The following RIMS2 variants were observed in gnomAD, a reference collection of about 807,000 sequenced individuals.
RIMS2 encodes the protein regulating synaptic membrane exocytosis 2, also known as regulating synaptic membrane exocytosis protein 2.
Under a neutral mutation model 174.4 loss-of-function variants are expected in RIMS2, and 59 were observed. The ratio of observed to expected loss-of-function variants is 0.34; its 90% confidence interval spans 0.27 to 0.42. The LOEUF (loss-of-function observed/expected upper bound fraction) is 0.42, where lower values mean the gene tolerates loss of function less well. Among genes scored for constraint, RIMS2 ranks in the 10% least tolerant of loss-of-function variants. The pLI is 1.00. For missense variants in RIMS2, 1,620 were observed against 1,666.3 expected, an observed-to-expected ratio of 0.97 and a Z score of 0.48; for synonymous variants, 606 against 572.5, an observed-to-expected ratio of 1.06 and a Z score of -0.84.
chr8:103,650,992 C>G (rs189051306), intron 1 of RIMS2, among the ~76,000 whole-genome samples: 26 of 152,338 alleles, frequency 1.7e-4, no homozygotes, highest in African/African-American at 6.3e-4. Flanking sequence ...GATCTCCTGC[C>G]TTGATGCAGA....
chr8:103,611,776 G>T (rs2095374315), intron 1 of RIMS2, among the ~76,000 whole-genome samples: 1 of 151,794 alleles, frequency 6.6e-6, no homozygotes, highest in South Asian at 2.1e-4. Context: ...AAATCTGCTT[G>T]GTGTTCTATA....
At chr8:103,872,696 A>G (rs1365424902) in intron 3 of RIMS2, among the ~76,000 whole-genome samples, 1 of 152,218 alleles carries the variant, frequency 6.6e-6, no homozygotes, top group Admixed American at 6.5e-5. Flanking sequence ...TTGAAAGAAT[A>G]AAGTATGAAA....
In RIMS2 at chr8:103,552,584, C is replaced by A. The variant is rs181471167; in HGVS notation, c.176+51522C>A. On this transcript the variant is annotated intron_variant, in intron 1 of 23. Transcript: ENST00000504942. ...ACACCAAAAGCAATGGCAACAAAAG[C>A]CAAAATAGACAAATGGGATCTAATT... 9.1e-4 allele frequency among the ~76,000 whole-genome samples: 139 copies of A among 152,182 alleles called. 1 individual carries two copies. Among genetic ancestry groups the A allele is most frequent in the African/African-American group, 3.0e-3 (125 of 41,530 alleles).
chr8:103,551,372 A>G (rs1230964444), intron 1 of RIMS2, among the ~76,000 whole-genome samples: 1 of 152,246 alleles, frequency 6.6e-6, no homozygotes, highest in Non-Finnish European at 1.5e-5. Context: ...CAATAGATGC[A>G]GAAAAGGCCT....
chr8:104,066,627 T>C (rs1033602793), intron 19 of RIMS2, among the ~76,000 whole-genome samples: 2 of 152,156 alleles, frequency 1.3e-5, no homozygotes, highest in African/African-American at 4.8e-5. Context: ...GACTAATAGG[T>C]ATTTGTACTT....
At chr8:104,210,696 T>C (rs1162415466) in intron 19 of RIMS2, among the ~76,000 whole-genome samples, 1 of 152,196 alleles carries the variant, frequency 6.6e-6, no homozygotes, top group African/African-American at 2.4e-5. Flanking sequence ...GGAAATGCAG[T>C]ATCACAGGGC....
At chr8:104,218,338 CTCTTCCCT>C (rs2099140333) in intron 19 of RIMS2, among the ~76,000 whole-genome samples, 1 of 151,972 alleles carries the variant, frequency 6.6e-6, no homozygotes, top group South Asian at 2.1e-4. Context: ...GACTTTCTTT[CTCTTCCCT>C]TCCCTTGGTA....
intron 19 of RIMS2, among the ~76,000 whole-genome samples, chr8:104,116,812 T>G (rs2098284416): frequency 6.6e-6 from 1 of 152,136 alleles, no homozygotes; most frequent in Non-Finnish European, 1.5e-5. Context: ...TCTTTATCAG[T>G]CTAACTTAAG....
At chr8:104,066,186 C>G (rs1315724211) in intron 19 of RIMS2, among the ~76,000 whole-genome samples, 3 of 152,076 alleles carry the variant, frequency 2.0e-5, no homozygotes, top group African/African-American at 4.8e-5. Flanking sequence ...CCATATGGCT[C>G]ACAAAGTCTG....
At chr8:103,934,452 CTGAAG>C (rs1296827710) in intron 12 of RIMS2, among the ~76,000 whole-genome samples, 38 of 152,060 alleles carry the variant, frequency 2.5e-4, no homozygotes, top group Admixed American at 4.6e-4. Context: ...TTTTAACTTG[CTGAAG>C]ATAAGGTTAT....
chr8:103,592,984 G>T (rs2094330295), intron 1 of RIMS2, among the ~76,000 whole-genome samples: 1 of 151,250 alleles, frequency 6.6e-6, no homozygotes, highest in Admixed American at 6.6e-5. Context: ...CAAAGTAGTT[G>T]CTTTTTTTCA....
At position 103,610,854 on chromosome 8, in the gene RIMS2, G is replaced by C. The variant is rs182163979; in HGVS notation, c.177-86232G>C. On this transcript the variant is annotated intron_variant, in intron 1 of 23. Coordinates refer to ENST00000504942, the Ensembl canonical transcript of RIMS2. ...TGCTGGCCTCATAGAATGAGTTCGA[G>C]AGGAGTTCATTCACAATTTTCGGGA... Among the ~76,000 whole-genome samples the C allele has an allele frequency of 2.6e-5, 4 of 152,268 alleles. No homozygotes were observed. The East Asian group carries it at 7.7e-4, about 29-fold the overall frequency.
intron 19 of RIMS2, among the ~76,000 whole-genome samples, chr8:104,117,491 C>T (rs2098297272): frequency 6.6e-6 from 1 of 151,946 alleles, no homozygotes; most frequent in South Asian, 2.1e-4. Context: ...TGTGCTTGTG[C>T]CACCATGCCT....
chr8:103,790,048 C>T (rs2098482876), intron 3 of RIMS2, among the ~76,000 whole-genome samples: 1 of 152,136 alleles, frequency 6.6e-6, no homozygotes, highest in Admixed American at 6.5e-5. Context: ...AGGTATGAGC[C>T]ACCCTGCCCA....
chr8:104,186,088 A>T (rs184705756), intron 19 of RIMS2, among the ~76,000 whole-genome samples: 9 of 151,746 alleles, frequency 5.9e-5, no homozygotes, highest in African/African-American at 1.9e-4. Context: ...CTTTGCAGCA[A>T]CATGAATGGA....
At chr8:104,088,055 G>T (rs1232885171) in intron 19 of RIMS2, among the ~76,000 whole-genome samples, 1 of 151,954 alleles carries the variant, frequency 6.6e-6, no homozygotes, top group Non-Finnish European at 1.5e-5. Flanking sequence ...ACCCTCTTTA[G>T]AAGTCATAGC....
At chr8:104,219,519 A>G (rs759370843) in intron 19 of RIMS2, among the ~76,000 whole-genome samples, 2 of 152,254 alleles carry the variant, frequency 1.3e-5, no homozygotes, top group Non-Finnish European at 2.9e-5. Context: ...CTAAAGTACA[A>G]CATATCTATA....
At chr8:103,954,817 T>G (rs1317559453) in intron 14 of RIMS2, among the ~76,000 whole-genome samples, 1 of 152,104 alleles carries the variant, frequency 6.6e-6, no homozygotes, top group African/African-American at 2.4e-5. Context: ...ATCCAGGAGC[T>G]GGTTTTTTGA....
intron 19 of RIMS2, among the ~76,000 whole-genome samples, chr8:104,240,599 C>T (rs543842335): frequency 6.6e-6 from 1 of 152,208 alleles, no homozygotes; most frequent in South Asian, 2.1e-4. Flanking sequence ...AGCATATCTC[C>T]TCAATGTATG....
Sources: gnomAD v4.1 joint callset for allele counts (sites outside exome capture counted in the v4.1 genomes callset) on GRCh38, gnomAD v4.1.1 for gene constraint, MANE v1.5 for transcripts, NCBI Gene and HGNC (gene_info 2026-07-23, HGNC 2026-07-21) for gene names.